The following CAAP1 variants were observed in gnomAD, a reference collection of about 807,000 sequenced individuals.
The protein encoded by CAAP1 is caspase activity and apoptosis inhibitor 1.
CAAP1 carries 20 observed loss-of-function variants against 34.0 expected under a neutral mutation model. The observed-to-expected ratio is 0.59, with a 90% confidence interval of 0.41 to 0.86. CAAP1 has a LOEUF of 0.86. Ranked by LOEUF, CAAP1 falls within the 40% of genes least tolerant of loss-of-function variation. The probability of loss-of-function intolerance (pLI) is 0.00; values close to 1 mark genes in which losing one functional copy is unlikely to be tolerated. For missense variants in CAAP1, 538 were observed against 450.5 expected (o/e 1.19, Z -1.76); for synonymous variants, 213 against 166.7 (o/e 1.28, Z -2.14).
intron 5 of CAAP1, among the ~76,000 whole-genome samples, chr9:26,849,091 G>A (rs1419152053): frequency 6.6e-6 from 1 of 152,134 alleles, no homozygotes; most frequent in Admixed American, 6.5e-5. Flanking sequence ...AAGATAGCAG[G>A]AAAACAAGAG....
chr9:26,866,952 G>A (rs1823153170), intron 4 of CAAP1, among the ~76,000 whole-genome samples: 1 of 152,102 alleles, frequency 6.6e-6, no homozygotes, highest in African/African-American at 2.4e-5. Context: ...GGCCTGTTAG[G>A]AACTGAGCCG....
At chr9:26,877,567 C>A (rs1563890490) in intron 4 of CAAP1, among the ~76,000 whole-genome samples, 1 of 152,148 alleles carries the variant, frequency 6.6e-6, no homozygotes, top group African/African-American at 2.4e-5. Context: ...AGTATAGGAG[C>A]AAGGGTTCAA....
Position 26,887,405 on chromosome 9 carries a change from A to C in CAAP1, c.412T>G (p.Phe138Val), listed in dbSNP as rs754388365. The change falls in exon 2 of 6, where the codon TTC (phenylalanine) becomes GTC (valine). Residue 138 changes from phenylalanine to valine, a missense_variant. Coordinates refer to ENST00000333916, the MANE Select transcript of CAAP1 (RefSeq NM_024828.4). ...DLTVSLKPVS[F>V]YISDKKEMLQ... The stretch of plus-strand genomic sequence containing the variant: ...ATTTCTTTTTTGTCTGATATATAGA[A>C]ACTAACTGGTTTCAATGACACAGTC... The C allele has an allele frequency of 6.2e-7, 1 of 1,613,178 alleles. No homozygotes were observed. Among genetic ancestry groups the C allele is most frequent in the Non-Finnish European group, 8.5e-7 (1 of 1,179,420 alleles).
intron 2 of CAAP1, among the ~76,000 whole-genome samples, chr9:26,887,108 A>T (rs1823765092): frequency 6.6e-6 from 1 of 152,192 alleles, no homozygotes; most frequent in Non-Finnish European, 1.5e-5. Flanking sequence ...GCTACTCAGG[A>T]GGCTGAGGCA....
intron 5 of CAAP1, among the ~76,000 whole-genome samples, chr9:26,858,582 G>A (rs1822929523): frequency 6.6e-6 from 1 of 152,156 alleles, no homozygotes; most frequent in Admixed American, 6.5e-5. Flanking sequence ...CAGCACTTTG[G>A]GAGGCTAAGG....
At chr9:26,858,696 G>A (rs902195344) in intron 5 of CAAP1, among the ~76,000 whole-genome samples, 27 of 151,984 alleles carry the variant, frequency 1.8e-4, no homozygotes, top group African/African-American at 6.3e-4. Context: ...GGTGGGGAGC[G>A]CCTGTAGTCC....
In CAAP1 at chr9:26,844,394, C is replaced by T. The variant is rs138826741; in HGVS notation, c.740-1747G>A. 6.4e-3 allele frequency among the ~76,000 whole-genome samples: 976 copies of T among 152,228 alleles called. 5 individuals are homozygous for T. Among genetic ancestry groups the T allele is most frequent in the Non-Finnish European group, 9.4e-3 (640 of 68,000 alleles). On this transcript the variant is annotated intron_variant, in intron 5 of 5. Transcript: ENST00000333916. ...AAAATAAGTGCTAAGTTGTTCACAG[C>T]CTCAAAAAATTAACTTTAGTGTCTC... is the stretch of plus-strand genomic sequence containing the variant.
intron 2 of CAAP1, among the ~76,000 whole-genome samples, chr9:26,886,464 G>C (rs1405023814): frequency 6.6e-6 from 1 of 152,112 alleles, no homozygotes; most frequent in Non-Finnish European, 1.5e-5. Context: ...TTCTTAAGCA[G>C]TCTATTTATG....
rs752278956 is a variant in CAAP1 at position 26,887,492 on chromosome 9, T to C, written c.325A>G (p.Thr109Ala). Reference protein sequence around the residue: ...LQQETKYILPTLEKELFLAEH... With the variant: ...LQQETKYILPALEKELFLAEH... ...GCCAAGAATAATTCTTTTTCCAAAG[T>C]TGGCAAAATATATTTAGTTTCCTAA... Residue 109 changes from threonine (T) to alanine (A), a missense_variant, in exon 2 of 6, where the codon ACT becomes GCT. Thr to Ala is a moderately conservative substitution (Grantham distance 58). Transcript: ENST00000333916. 1.2e-6 allele frequency: 2 copies of C among 1,602,426 alleles called. No individual in the cohort carries two copies. The highest frequency in any genetic ancestry group is 1.7e-5 in the Admixed American group (1 of 57,144).
chr9:26,873,990 G>C (rs568034561), intron 4 of CAAP1, among the ~76,000 whole-genome samples: 22 of 151,996 alleles, frequency 1.4e-4, no homozygotes, highest in South Asian at 6.2e-4. Flanking sequence ...GGCAGATCAC[G>C]AGGTCAGGAG....
chr9:26,865,967 C>T (rs1382601729), intron 4 of CAAP1, among the ~76,000 whole-genome samples: 1 of 152,172 alleles, frequency 6.6e-6, no homozygotes, highest in African/African-American at 2.4e-5. Flanking sequence ...CTGCCTCAGC[C>T]ACCCGAGTAG....
chr9:26,890,491 T>TA (rs1489584861), intron 1 of CAAP1, among the ~76,000 whole-genome samples: 1 of 151,920 alleles, frequency 6.6e-6, no homozygotes, highest in African/African-American at 2.4e-5. Flanking sequence ...AAGAGTGTCT[T>TA]AAAAAATCAC....
At chr9:26,887,137 G>A (rs575276408) in intron 2 of CAAP1, among the ~76,000 whole-genome samples, 176 bp downstream of exon 2, 11 of 152,220 alleles carry the variant, frequency 7.2e-5, no homozygotes, top group African/African-American at 2.2e-4. Context: ...GCTTGAACCC[G>A]GGAGGCGGAG....
chr9:26,859,911 T>G (rs1018988816), intron 5 of CAAP1, among the ~76,000 whole-genome samples: 8 of 152,206 alleles, frequency 5.3e-5, no homozygotes, highest in Non-Finnish European at 2.9e-5. Context: ...TACATATAAA[T>G]TGAACAAATC....
chr9:26,875,368 A>T (rs1157695245), intron 4 of CAAP1, among the ~76,000 whole-genome samples: 1 of 152,164 alleles, frequency 6.6e-6, no homozygotes, highest in East Asian at 1.9e-4. Flanking sequence ...ACTGGGCAAC[A>T]GAGTGAGACC....
intron 4 of CAAP1, among the ~76,000 whole-genome samples, chr9:26,862,793 A>T (rs1823033587): frequency 6.6e-6 from 1 of 152,198 alleles, no homozygotes; most frequent in Admixed American, 6.5e-5. Context: ...GTATTTTATC[A>T]ATGTTAAATT....
intron 5 of CAAP1, 61 bp downstream of exon 5, chr9:26,861,005 T>G (rs1413170858): frequency 8.2e-7 from 1 of 1,220,904 alleles, no homozygotes. Context: ...AATTTATTTT[T>G]GGTAAAATGC....
At chr9:26,873,367 C>A (rs1174191674) in intron 4 of CAAP1, among the ~76,000 whole-genome samples, 2 of 152,210 alleles carry the variant, frequency 1.3e-5, no homozygotes, top group Non-Finnish European at 2.9e-5. Flanking sequence ...AAATGCAGCA[C>A]CATTTTCACT....
rs1410470378 is a variant in CAAP1, at chr9:26,849,582, A to C, written c.740-6935T>G. 6.7e-5 allele frequency among the ~76,000 whole-genome samples: 10 copies of C among 148,596 alleles called. No individual in the cohort carries two copies. In the East Asian group the frequency reaches 2.0e-3, roughly 29 times the overall value. ...TTTTATTCTTATTATTGTTAATTGCATTTTTTATATTTTACCTCAGGCCCA... is the reference window on the plus strand; with the variant it reads ...TTTTATTCTTATTATTGTTAATTGCCTTTTTTATATTTTACCTCAGGCCCA... On this transcript the variant is annotated intron_variant, in intron 5 of 5. Coordinates refer to ENST00000333916, the MANE Select transcript of CAAP1 (RefSeq NM_024828.4).
Sources: gnomAD v4.1 joint callset for allele counts (sites outside exome capture counted in the v4.1 genomes callset) on GRCh38, gnomAD v4.1.1 for gene constraint, MANE v1.5 for transcripts, NCBI Gene and HGNC (gene_info 2026-07-23, HGNC 2026-07-21) for gene names.